Variants in ANKH observed in about 807,000 individuals in gnomAD.
ANKH encodes the protein mineralization regulator ANKH.
ANKH carries 15 observed loss-of-function variants against 49.0 expected under a neutral mutation model. That is an observed-to-expected ratio of 0.31 (90% confidence interval 0.20 to 0.47). The LOEUF (loss-of-function observed/expected upper bound fraction) is 0.47. Ranked by LOEUF, ANKH falls within the 20% of genes least tolerant of loss-of-function variation. ANKH has a pLI of 1.00. For synonymous variants in ANKH, 273 were observed against 260.0 expected (o/e 1.05, Z -0.48); for missense variants, 429 against 652.0 (o/e 0.66, Z 3.72).
intron 1 of ANKH, among the ~76,000 whole-genome samples, chr5:14,816,859 C>T (rs1340249708): frequency 2.0e-5 from 3 of 152,168 alleles, no homozygotes; most frequent in Admixed American, 2.0e-4. Flanking sequence ...AAGAAAAACA[C>T]TCATTTGGGA....
chr5:14,793,755 T>C (rs2126549422), intron 1 of ANKH, among the ~76,000 whole-genome samples: 1 of 152,320 alleles, frequency 6.6e-6, no homozygotes. Context: ...CAGCCAGCTG[T>C]GTGGCCTTGC....
intron 1 of ANKH, chr5:14,797,132 T>C: frequency 1.5e-6 from 2 of 1,351,306 alleles, no homozygotes; most frequent in African/African-American, 1.4e-5. Context: ...TTTAGGACCC[T>C]TGTCCTTCTG....
intron 1 of ANKH, among the ~76,000 whole-genome samples, chr5:14,784,911 C>T (rs377104569): frequency 0.017 from 2,044 of 118,924 alleles, 44 homozygotes; most frequent in African/African-American, 0.055. Context: ...CGACTCTGGA[C>T]AGAGGAATAT....
intron 1 of ANKH, among the ~76,000 whole-genome samples, chr5:14,782,497 T>A (rs1445353193): frequency 6.6e-6 from 1 of 152,192 alleles, no homozygotes; most frequent in African/African-American, 2.4e-5. Flanking sequence ...CCCTTTACTT[T>A]GAATTAGAGA....
At chr5:14,719,446 G>T (rs950391415) in intron 8 of ANKH, among the ~76,000 whole-genome samples, 4 of 152,232 alleles carry the variant, frequency 2.6e-5, no homozygotes, top group African/African-American at 9.6e-5. Flanking sequence ...AATCTCTGGG[G>T]TGGAGGTGAA....
At chr5:14,793,491 G>GAC (rs34372791) in intron 1 of ANKH, among the ~76,000 whole-genome samples, 38 of 152,136 alleles carry the variant, frequency 2.5e-4, no homozygotes, top group Non-Finnish European at 2.9e-5. Flanking sequence ...GAGACCACCG[G>GAC]ACACCTGGTG....
Position 14,812,389 on chromosome 5 carries a change from C to T in ANKH, c.97-43198G>A, listed in dbSNP as rs188272055. ...CCTTCACTGAGCGTTCCCCCTGTGA[C>T]GAAACAGTCTCTCGTGAGGCTTCCT... On this transcript the variant is annotated intron_variant, in intron 1 of 11. Coordinates refer to ENST00000284268, the MANE Select transcript of ANKH (RefSeq NM_054027.6). Among the ~76,000 whole-genome samples the T allele has an allele frequency of 3.9e-3, 589 of 152,146 alleles. 3 individuals carry two copies. Among genetic ancestry groups the T allele is most frequent in the Non-Finnish European group, 6.4e-3 (434 of 67,978 alleles).
chr5:14,757,413 C>CATATAT (rs1425001724), intron 3 of ANKH, among the ~76,000 whole-genome samples: 1 of 127,236 alleles, frequency 7.9e-6, no homozygotes, highest in South Asian at 2.5e-4. Flanking sequence ...CTTATTGGAA[C>CATATAT]ATATATATAT....
chr5:14,719,710 G>A (rs6883266), intron 8 of ANKH, among the ~76,000 whole-genome samples: 2,123 of 152,264 alleles, frequency 0.014, 57 homozygotes, highest in African/African-American at 0.049. Context: ...GTTTATCGTA[G>A]TCACAATCCA....
intron 1 of ANKH, among the ~76,000 whole-genome samples, chr5:14,796,851 T>C (rs1359574137): frequency 6.6e-6 from 1 of 152,192 alleles, no homozygotes. Context: ...AGAAAAATAA[T>C]CACACATAAT....
intron 1 of ANKH, among the ~76,000 whole-genome samples, chr5:14,820,923 C>T (rs1164805055): frequency 6.6e-6 from 1 of 152,092 alleles, no homozygotes; most frequent in Non-Finnish European, 1.5e-5. Context: ...CATGATAAAA[C>T]CTGTCTCTAC....
At chr5:14,755,710 T>C in intron 4 of ANKH, 151 bp downstream of exon 4, 1 of 703,192 alleles carries the variant, frequency 1.4e-6, no homozygotes, top group South Asian at 1.5e-5. Context: ...TAGCAAATAT[T>C]TATTGAGGTC....
intron 1 of ANKH, chr5:14,825,944 G>A (rs927411925): frequency 4.2e-4 from 64 of 152,480 alleles, no homozygotes; most frequent in African/African-American, 1.5e-3. Context: ...ACTTGAATCT[G>A]CAGTTAGTAT....
chr5:14,844,417 C>T (rs1344832883), intron 1 of ANKH, among the ~76,000 whole-genome samples: 2 of 152,188 alleles, frequency 1.3e-5, no homozygotes, highest in East Asian at 3.8e-4. Context: ...AAGAAGCAAA[C>T]TGTCACTTAG....
intron 8 of ANKH, among the ~76,000 whole-genome samples, chr5:14,734,391 G>T (rs971931802): frequency 6.6e-6 from 1 of 152,202 alleles, no homozygotes; most frequent in East Asian, 1.9e-4. Flanking sequence ...CCTTGTCCAT[G>T]TGTGCGCTCA....
At chr5:14,756,795 G>T (rs528574606) in intron 3 of ANKH, among the ~76,000 whole-genome samples, 1 of 152,014 alleles carries the variant, frequency 6.6e-6, no homozygotes, top group African/African-American at 2.4e-5. Context: ...GGGTGAGGGG[G>T]TGGGGAGGGA....
At chr5:14,809,737 C>T (rs1481853807) in intron 1 of ANKH, among the ~76,000 whole-genome samples, 1 of 152,168 alleles carries the variant, frequency 6.6e-6, no homozygotes, top group Admixed American at 6.5e-5. Flanking sequence ...CCAGACCTTT[C>T]AGGCTAAGGC....
rs1198721283 is a variant in ANKH at position 14,706,789 on chromosome 5, A to G, written c.*4408T>C. The G allele has an allele frequency of 1.3e-5, 2 of 152,204 alleles. No individual in the cohort carries two copies. Among genetic ancestry groups the G allele is most frequent in the African/African-American group, 2.4e-5 (1 of 41,428 alleles). 9.4% of individuals were successfully genotyped at this position (152,204 alleles called of 1,614,324 possible). A position where few individuals can be genotyped will look rare whatever the true frequency, so the allele number is the denominator to read the frequency against. On this transcript the variant is annotated 3_prime_UTR_variant, in exon 12 of 12. Transcript: ENST00000284268. ...CTTCAATGACAGAAATAGAGATTCAAAATAACCACACAGAGGAGTATCCCA... is the reference window on the plus strand; with the variant it reads ...CTTCAATGACAGAAATAGAGATTCAGAATAACCACACAGAGGAGTATCCCA...
intron 1 of ANKH, among the ~76,000 whole-genome samples, chr5:14,771,775 G>A (rs1739435188): frequency 6.6e-6 from 1 of 151,906 alleles, no homozygotes; most frequent in East Asian, 1.9e-4. Flanking sequence ...ACAAAAATTA[G>A]CTGGACATGA....
Sources: allele counts gnomAD v4.1 joint callset (sites outside exome capture counted in the v4.1 genomes callset), GRCh38; gene constraint gnomAD v4.1.1; transcripts MANE v1.5; gene names NCBI Gene and HGNC (gene_info 2026-07-23, HGNC 2026-07-21).